DNAH17: variants seen among roughly 807,000 people sequenced by gnomAD.
The protein encoded by DNAH17 is dynein axonemal heavy chain 17, also known as axonemal beta dynein heavy chain 17.
DNAH17 carries 376 observed loss-of-function variants against 485.6 expected under a neutral mutation model. That is an observed-to-expected ratio of 0.77 (90% confidence interval 0.71 to 0.84). DNAH17 has a LOEUF of 0.84. Ranked by LOEUF, DNAH17 falls within the 40% of genes least tolerant of loss-of-function variation. DNAH17 has a pLI of 0.00. For synonymous variants in DNAH17, 3,031 were observed against 2,405.9 expected (o/e 1.26, Z -7.60); for missense variants, 6,370 against 5,839.3 (o/e 1.09, Z -2.96).
At chr17:78,502,550 C>A in intron 33 of DNAH17, 41 bp downstream of exon 33, 1 of 1,566,032 alleles carries the variant, frequency 6.4e-7, no homozygotes, top group Non-Finnish European at 8.7e-7. Flanking sequence ...GCTTTTTAAA[C>A]AAGTTTTAAA....
At chr17:78,507,427 A>C in intron 28 of DNAH17, 31 bp downstream of exon 28, 1 of 1,613,566 alleles carries the variant, frequency 6.2e-7, no homozygotes, top group East Asian at 2.2e-5. Context: ...GTCATTTCTG[A>C]AGTGCGTGGG....
chr17:78,529,386 G>A, intron 22 of DNAH17, 86 bp downstream of exon 22: 1 of 1,303,662 alleles, frequency 7.7e-7, no homozygotes, highest in Non-Finnish European at 1.1e-6. Context: ...ATCCCCCATG[G>A]TTGCGTTTGA....
chr17:78,576,649 G>A (rs1390213353), intron 1 of DNAH17, among the ~76,000 whole-genome samples: 1 of 152,158 alleles, frequency 6.6e-6, no homozygotes, highest in African/African-American at 2.4e-5. Context: ...CCCGAGTCCT[G>A]GAAGGTTCCT....
rs2086391896 is a variant in DNAH17 at position 78,425,286 on chromosome 17, T to C, written c.13141+60A>G. ...TCTTTGCCAAGAGCTAGTTTTATCT[T>C]GTCTTGGCAAGTAGCACTGGCTCTG... On this transcript the variant is annotated intron_variant, in intron 80 of 80. Transcript: ENST00000389840. 16 of 1,525,968 alleles carry C rather than the reference T, an allele frequency of 1.0e-5. No individual in the cohort carries two copies. In the South Asian group the frequency reaches 1.4e-4, roughly 13 times the overall value. 94.5% of individuals were successfully genotyped at this position (1,525,968 alleles called of 1,614,324 possible).
chr17:78,441,949 G>A lies in DNAH17; in HGVS notation c.11529-750C>T, dbSNP rs532520634. 1.3e-4 allele frequency among the ~76,000 whole-genome samples: 20 copies of A among 152,242 alleles called. No homozygotes were observed. In the East Asian group the frequency reaches 3.7e-3, roughly 28 times the overall value. On this transcript the variant is annotated intron_variant, in intron 71 of 80. Transcript: ENST00000389840. ...AATACAAAAAGTAGCCAGGTGTGGT[G>A]GCACAGGCCTGTAATTCCAGCCACT...
At chr17:78,460,322 G>A (rs563108570) in intron 58 of DNAH17, 65 bp from the exon 59 acceptor site, 20 of 610,870 alleles carry the variant, frequency 3.3e-5, no homozygotes, top group Middle Eastern at 3.1e-4. Context: ...GGGCGTGTAC[G>A]TGCATGTGTG....
rs148107688 is a variant in DNAH17 at position 78,494,668 on chromosome 17, G to A, written c.6195C>T (p.Pro2065=). 1.7e-3 allele frequency: 2,792 copies of A among 1,613,914 alleles called. 2 individuals are homozygous for A. The highest frequency in any genetic ancestry group is 2.3e-3 in the Non-Finnish European group (2,666 of 1,179,898). ...GGTCCCCGATCAGTCCCATGAATACGGGCAGGTCGTCTGTCACAATCTTGG... is the reference window on the plus strand; with the variant it reads ...GGTCCCCGATCAGTCCCATGAATACAGGCAGGTCGTCTGTCACAATCTTGG... ...NIPKIVTDDL[P]VFMGLIGDLF... The change falls in exon 40 of 81, where the codon CCC becomes CCT. Residue 2065 remains proline, a synonymous_variant. Coordinates refer to ENST00000389840, the MANE Select transcript of DNAH17 (RefSeq NM_173628.4).
chr17:78,428,988 A>C, intron 76 of DNAH17, 133 bp downstream of exon 76: 1 of 917,476 alleles, frequency 1.1e-6, no homozygotes. Context: ...AGTGAGACGC[A>C]TTTCTCATCC....
chr17:78,464,816 C>T (rs949015207), intron 56 of DNAH17, among the ~76,000 whole-genome samples: 4 of 152,262 alleles, frequency 2.6e-5, no homozygotes, highest in African/African-American at 4.8e-5. Flanking sequence ...CCCTCCCTGG[C>T]ACAGGATTGC....
intron 55 of DNAH17, among the ~76,000 whole-genome samples, chr17:78,467,606 G>T (rs778411356): frequency 7.9e-5 from 12 of 152,268 alleles, no homozygotes; most frequent in South Asian, 6.2e-4. Flanking sequence ...ACGATGGCCG[G>T]CAGGTGTCCA....
rs1328396501 is a variant in DNAH17, at chr17:78,502,608, C to G, written c.5173G>C (p.Asp1725His). Residue 1725 changes from aspartate (D) to histidine (H), a missense_variant, in exon 33 of 81, where the codon GAT becomes CAT. Coordinates refer to ENST00000389840, the MANE Select transcript of DNAH17 (RefSeq NM_173628.4). ...LEEGYENAIR[D>H]YNKKQISQLN... is the part of the protein sequence containing the mutation. The stretch of plus-strand genomic sequence containing the variant: ...TAACACACCTGCTTTTTGTTATAAT[C>G]TCTGATAGCGTTTTCATAGCCTTCC... 6.2e-7 allele frequency: 1 copy of G among 1,612,728 alleles called. No individual in the cohort carries two copies. The highest frequency in any genetic ancestry group is 2.2e-5 in the East Asian group (1 of 44,874).
At chr17:78,550,961 G>A (rs903097447) in intron 16 of DNAH17, among the ~76,000 whole-genome samples, 3 of 152,200 alleles carry the variant, frequency 2.0e-5, no homozygotes, top group Admixed American at 2.0e-4. Context: ...GCTCACGCCT[G>A]TAATCCCAGC....
rs768769626 is a variant in DNAH17 at position 78,463,088 on chromosome 17, G to T, written c.8941-11C>A. ...GGCCTTGACTTCCCACTACAAAGAT[G>T]AGACAGCCAGTCATCCCTGGGACCC... On this transcript the variant is annotated splice_polypyrimidine_tract_variant and intron_variant, in intron 56 of 80. Transcript: ENST00000389840. The T allele has an allele frequency of 1.2e-6, 2 of 1,611,928 alleles. No individual in the cohort carries two copies. Among genetic ancestry groups the T allele is most frequent in the Admixed American group, 3.3e-5 (2 of 59,918 alleles).
rs374496235 is a variant in DNAH17, at chr17:78,434,234, G to C, written c.12034-14C>G. 3 of 1,595,128 alleles carry C rather than the reference G, an allele frequency of 1.9e-6. No individual in the cohort carries two copies. Among genetic ancestry groups the C allele is most frequent in the Non-Finnish European group, 2.6e-6 (3 of 1,166,670 alleles). On this transcript the variant is annotated splice_polypyrimidine_tract_variant and intron_variant, in intron 74 of 80. Coordinates refer to ENST00000389840, the MANE Select transcript of DNAH17 (RefSeq NM_173628.4). ...CTCCAGGGTGTCCTGTGGGGCACACGCTCCGGTCAGGTATTAGGGAGAGGG... is the reference window on the plus strand; with the variant it reads ...CTCCAGGGTGTCCTGTGGGGCACACCCTCCGGTCAGGTATTAGGGAGAGGG...
chr17:78,480,591 C>A, intron 49 of DNAH17, 93 bp downstream of exon 49: 1 of 1,098,406 alleles, frequency 9.1e-7, no homozygotes. Flanking sequence ...GCCTGCAGCC[C>A]TAACACCCTA....
chr17:78,492,528 C>T, intron 42 of DNAH17, 105 bp downstream of exon 42: 3 of 1,507,960 alleles, frequency 2.0e-6, no homozygotes, highest in Non-Finnish European at 1.8e-6. Context: ...TGTGCCCCAC[C>T]CTAGCCTGGG....
chr17:78,559,669 T>G (rs1258858391), intron 13 of DNAH17, among the ~76,000 whole-genome samples: 1 of 152,182 alleles, frequency 6.6e-6, no homozygotes, highest in Non-Finnish European at 1.5e-5. Context: ...CCTTTACAAC[T>G]AGAAATCTAA....
Position 78,526,385 on chromosome 17 carries a change from G to A in DNAH17, c.3711+266C>T, listed in dbSNP as rs116254658. On this transcript the variant is annotated intron_variant, in intron 24 of 80. Coordinates refer to ENST00000389840, the MANE Select transcript of DNAH17 (RefSeq NM_173628.4). ...CACAGGGTGTTAAGGGGCCTGAGCC[G>A]TGGGCCTGGAGCCATGCTCTGAGCT... is the stretch of plus-strand genomic sequence containing the variant. Among the ~76,000 whole-genome samples the A allele has an allele frequency of 1.4e-3, 217 of 152,306 alleles. 1 individual carries two copies. The highest frequency in any genetic ancestry group is 4.8e-3 in the African/African-American group (200 of 41,566).
chr17:78,566,935 C>G, intron 10 of DNAH17, 64 bp downstream of exon 10: 1 of 1,539,028 alleles, frequency 6.5e-7, no homozygotes. Flanking sequence ...CACCCCTAAG[C>G]TGGTACCGAG....
Sources: gnomAD v4.1 joint callset for allele counts (sites outside exome capture counted in the v4.1 genomes callset) on GRCh38, gnomAD v4.1.1 for gene constraint, MANE v1.5 for transcripts, NCBI Gene and HGNC (gene_info 2026-07-23, HGNC 2026-07-21) for gene names.